The following ITGBL1 variants were observed in gnomAD, a reference collection of about 807,000 sequenced individuals.
The protein encoded by ITGBL1 is integrin beta-like protein 1.
In ITGBL1, 51 loss-of-function variants were observed where a neutral mutation model predicts 68.5. The observed-to-expected ratio is 0.74, with a 90% CI of 0.59 to 0.94. The LOEUF is 0.94. Ranked by LOEUF, ITGBL1 falls within the 40% of genes least tolerant of loss-of-function variation. ITGBL1 has a pLI of 0.00. For missense variants in ITGBL1, 649 were observed against 647.4 expected (o/e 1.00, Z -0.03); for synonymous variants, 209 against 227.3 (o/e 0.92, Z 0.72).
intron 2 of ITGBL1, among the ~76,000 whole-genome samples, chr13:101,540,544 T>C (rs915356564): frequency 6.6e-6 from 1 of 152,214 alleles, no homozygotes; most frequent in African/African-American, 2.4e-5. Flanking sequence ...GGGCTCTTTT[T>C]TGGTTCCATA....
chr13:101,471,510 A>G (rs74639620), intron 2 of ITGBL1, among the ~76,000 whole-genome samples: 32 of 133,920 alleles, frequency 2.4e-4, no homozygotes, highest in Non-Finnish European at 3.2e-4. Context: ...ACAAATATAT[A>G]TGTGTGTGTG....
chr13:101,595,191 A>G (rs970111405), intron 6 of ITGBL1, among the ~76,000 whole-genome samples: 17 of 152,182 alleles, frequency 1.1e-4, no homozygotes, highest in Non-Finnish European at 1.8e-4. Context: ...AGGTCTCAGG[A>G]AGCTTCTGAT....
intron 7 of ITGBL1, among the ~76,000 whole-genome samples, chr13:101,685,118 A>G (rs943549099): frequency 3.9e-5 from 6 of 152,030 alleles, no homozygotes; most frequent in African/African-American, 1.4e-4. Flanking sequence ...GAATCATTTC[A>G]TCAACTTGAA....
chr13:101,492,649 C>A (rs2048796632), intron 2 of ITGBL1, among the ~76,000 whole-genome samples: 1 of 152,106 alleles, frequency 6.6e-6, no homozygotes, highest in African/African-American at 2.4e-5. Context: ...TTCCCAAATT[C>A]CTCAAAGCTT....
intron 7 of ITGBL1, among the ~76,000 whole-genome samples, chr13:101,635,475 G>A (rs1363471624): frequency 6.6e-6 from 1 of 151,996 alleles, no homozygotes; most frequent in East Asian, 1.9e-4. Flanking sequence ...TACATGCCAT[G>A]TAGTTGTGTG....
At chr13:101,487,123 T>C (rs183286130) in intron 2 of ITGBL1, among the ~76,000 whole-genome samples, 1 of 152,336 alleles carries the variant, frequency 6.6e-6, no homozygotes, top group East Asian at 1.9e-4. Flanking sequence ...TTGTTAGGTA[T>C]AAATGTTCAG....
chr13:101,539,050 C>CTTTTTT (rs35288585), intron 2 of ITGBL1, among the ~76,000 whole-genome samples: 17 of 99,582 alleles, frequency 1.7e-4, no homozygotes, highest in Admixed American at 2.4e-4. Context: ...TGTGCTGCTT[C>CTTTTTT]TTTTTTTTTT....
chr13:101,526,142 T>TCTC (rs2049373287), intron 2 of ITGBL1, among the ~76,000 whole-genome samples: 2 of 63,364 alleles, frequency 3.2e-5, no homozygotes, highest in Middle Eastern at 8.2e-3. Flanking sequence ...AGTTTCTTCT[T>TCTC]CTTCTTCTTC....
At chr13:101,718,886 C>T (rs1177602395), downstream of ITGBL1, 1 of 151,952 alleles carries the variant, frequency 6.6e-6, no homozygotes, top group African/African-American at 2.4e-5. Flanking sequence ...GGCCCTATGT[C>T]ACATTGTAGG....
chr13:101,573,067 A>G (rs1474545365), intron 3 of ITGBL1, among the ~76,000 whole-genome samples: 1 of 152,132 alleles, frequency 6.6e-6, no homozygotes, highest in Non-Finnish European at 1.5e-5. Context: ...TAAGCATCTC[A>G]TTATTTTCTA....
At chr13:101,520,960 A>G (rs939603185) in intron 2 of ITGBL1, among the ~76,000 whole-genome samples, 1 of 152,206 alleles carries the variant, frequency 6.6e-6, no homozygotes, top group Non-Finnish European at 1.5e-5. Context: ...AGGCTTGAAC[A>G]TCGTCCTTTT....
At chr13:101,720,725 T>C (rs1464146056), downstream of ITGBL1, 1 of 150,724 alleles carries the variant, frequency 6.6e-6, no homozygotes, top group African/African-American at 2.5e-5. Context: ...TTATCTAATA[T>C]ATTTTAACTG....
intron 7 of ITGBL1, among the ~76,000 whole-genome samples, chr13:101,669,380 G>A (rs2033302320): frequency 6.6e-6 from 1 of 151,988 alleles, no homozygotes; most frequent in Admixed American, 6.6e-5. Context: ...TTGTGCTAAG[G>A]TAGAATTTAA....
chr13:101,486,527 C>T lies in ITGBL1; in HGVS notation c.316+32427C>T, dbSNP rs1249002415. Among the ~76,000 whole-genome samples, 28 of 151,876 alleles carry T rather than the reference C, an allele frequency of 1.8e-4. 1 individual carries two copies. The highest frequency in any genetic ancestry group is 1.8e-3 in the Admixed American group (28 of 15,238). The stretch of plus-strand genomic sequence containing the variant: ...GAAAGAATATGGGGGAAATAAGACC[C>T]CCATCAAAAAATAAGTGATGAAAGA... On this transcript the variant is annotated intron_variant, in intron 2 of 10. Coordinates refer to ENST00000376180, the MANE Select transcript of ITGBL1 (RefSeq NM_004791.3).
At chr13:101,644,642 C>T (rs914615473) in intron 7 of ITGBL1, among the ~76,000 whole-genome samples, 3 of 152,166 alleles carry the variant, frequency 2.0e-5, no homozygotes, top group African/African-American at 7.2e-5. Flanking sequence ...GCAAAGTCAT[C>T]CTTATATTTA....
At chr13:101,574,361 T>C (rs2050321347) in intron 3 of ITGBL1, among the ~76,000 whole-genome samples, 1 of 152,172 alleles carries the variant, frequency 6.6e-6, no homozygotes, top group African/African-American at 2.4e-5. Context: ...TTAGCTATGC[T>C]TTTTCTCTTG....
At chr13:101,465,812 A>T (rs2048374999) in intron 2 of ITGBL1, among the ~76,000 whole-genome samples, 1 of 152,228 alleles carries the variant, frequency 6.6e-6, no homozygotes, top group African/African-American at 2.4e-5. Context: ...CTCAGTAAAT[A>T]TATGTTCAGT....
intron 6 of ITGBL1, among the ~76,000 whole-genome samples, chr13:101,585,726 G>A (rs539910640): frequency 3.9e-5 from 6 of 152,140 alleles, no homozygotes; most frequent in Non-Finnish European, 5.9e-5. Context: ...CACCTCCCCC[G>A]GCGGCAATGT....
intron 7 of ITGBL1, among the ~76,000 whole-genome samples, chr13:101,621,720 A>G (rs2031591791): frequency 6.6e-6 from 1 of 152,200 alleles, no homozygotes; most frequent in African/African-American, 2.4e-5. Context: ...AAGCTTTTTC[A>G]AAATTTTTAG....
Sources: gnomAD v4.1 joint callset for allele counts (sites outside exome capture counted in the v4.1 genomes callset) on GRCh38, gnomAD v4.1.1 for gene constraint, MANE v1.5 for transcripts, NCBI Gene and HGNC (gene_info 2026-07-23, HGNC 2026-07-21) for gene names.